Variants in ODC1 observed in about 807,000 individuals in gnomAD.
The protein encoded by ODC1 is ornithine decarboxylase 1, also known as ornithine decarboxylase.
In ODC1, 18 loss-of-function variants were observed where a neutral mutation model predicts 41.5. That is an observed-to-expected ratio of 0.43 (90% confidence interval 0.30 to 0.64). The LOEUF (loss-of-function observed/expected upper bound fraction) is 0.64. ODC1 is among the 30% of genes least tolerant of loss of function. The pLI, the probability that ODC1 is intolerant of heterozygous loss-of-function variation, is 0.11. For synonymous variants in ODC1, 218 were observed against 211.6 expected, an observed-to-expected ratio of 1.03 and a Z score of -0.26; for missense variants, 504 against 589.0, an observed-to-expected ratio of 0.86 and a Z score of 1.49.
rs375812175 is a variant in ODC1, at chr2:10,443,727, G to A, written c.559C>T (p.Leu187=). 2 of 1,614,166 alleles carry A rather than the reference G, an allele frequency of 1.2e-6. No homozygotes were observed. Among genetic ancestry groups the A allele is most frequent in the East Asian group, 2.2e-5 (1 of 44,878 alleles). The change falls in exon 6 of 12, where the codon CTA becomes TTA. Residue 187 remains leucine, a synonymous_variant. Transcript: ENST00000234111. The part of the protein sequence containing the change: ...SRLLLERAKE[L]NIDVVGVSFH... ...CTGACACCAACAACATCGATATTTA[G>A]CTCTTTCGCCCGTTCCAAAAGGAGC...
chr2:10,445,481 C>T (rs551110013), intron 1 of ODC1, among the ~76,000 whole-genome samples: 5 of 152,272 alleles, frequency 3.3e-5, no homozygotes, highest in South Asian at 2.1e-4. Flanking sequence ...CAAGGCAGCA[C>T]ACTAAGCATT....
Position 10,440,856 on chromosome 2 carries a change from C to T in ODC1, c.1254G>A (p.Gln418=), listed in dbSNP as rs1156467115. 3 of 1,614,050 alleles carry T rather than the reference C, an allele frequency of 1.9e-6. No homozygotes were observed. The highest frequency in any genetic ancestry group is 2.5e-6 in the Non-Finnish European group (3 of 1,180,000). The change falls in exon 12 of 12, where the codon CAG becomes CAA. Residue 418 remains glutamine (Q), a synonymous_variant. Transcript: ENST00000234111. ...VMSGPAWQLM[Q]QFQNPDFPPE... ...GTGGGAAGTCGGGGTTCTGGAATTG[C>T]TGCATGAGTTGCCTGAGAAAGAAAA...
intron 1 of ODC1, chr2:10,447,376 T>A (rs1384728510): frequency 1.3e-5 from 2 of 152,204 alleles, no homozygotes; most frequent in Non-Finnish European, 2.9e-5. Flanking sequence ...GCCAACACAT[T>A]CTTTGTCCTC....
At position 10,443,772 on chromosome 2, in the gene ODC1, C is replaced by A. The variant is rs750141788; in HGVS notation, c.514G>T (p.Ala172Ser). Reference protein sequence around the residue: ...AVCRLSVKFGATLRTSRLLLE... With the variant: ...AVCRLSVKFGSTLRTSRLLLE... ...AGGAGCCTGCTGGTTCTGAGCGTGG[C>A]ACCGAATTTCACACTGAGACGACAG... Residue 172 changes from alanine (A) to serine (S), a missense_variant, in exon 6 of 12, where the codon GCC becomes TCC. Ala to Ser is a moderately conservative substitution (Grantham distance 99). Around this residue, in one of 3 missense-constraint regions of ODC1, gnomAD observed 447 missense variants for 524.4 expected, o/e 0.85. Transcript: ENST00000234111. 3 of 1,614,222 alleles carry A rather than the reference C, an allele frequency of 1.9e-6. No individual in the cohort carries two copies. The highest frequency in any genetic ancestry group is 2.5e-6 in the Non-Finnish European group (3 of 1,180,040).
intron 1 of ODC1, chr2:10,447,733 AG>A (rs1672074753): frequency 6.6e-6 from 1 of 152,028 alleles, no homozygotes; most frequent in African/African-American, 2.4e-5. Context: ...GTCTGTACCA[AG>A]GCGAGCCCGG....
intron 11 of ODC1, among the ~76,000 whole-genome samples, chr2:10,441,149 C>CA (rs1443860373): frequency 6.6e-6 from 1 of 152,116 alleles, no homozygotes; most frequent in Non-Finnish European, 1.5e-5. Context: ...GACAGGGTCT[C>CA]ACTATGTTGC....
At position 10,443,621 on chromosome 2, in the gene ODC1, TA is replaced by T. The variant is rs769697899; in HGVS notation, c.585-51del. Reference sequence around the variant, plus strand: ...CACTGTGTCTTAGTATTTCTTAAAATAATAGCAAACACTAGGAGAAAGCCTG... The same window carrying T: ...CACTGTGTCTTAGTATTTCTTAAAATATAGCAAACACTAGGAGAAAGCCTG... On this transcript the variant is annotated intron_variant, in intron 6 of 11. Coordinates refer to ENST00000234111, the MANE Select transcript of ODC1 (RefSeq NM_002539.3). 28 of 1,606,226 alleles carry T rather than the reference TA, an allele frequency of 1.7e-5. No homozygotes were observed. The African/African-American group carries it at 3.3e-4, about 19-fold the overall frequency.
In ODC1 at chr2:10,440,567, G is replaced by GATA; in HGVS notation, c.*154_*156dup. ...TTCAAATAGTTTCCATAGGAACACA[G>GATA]ATAAGTGTGACCCATATCCTAGTCT... On this transcript the variant is annotated 3_prime_UTR_variant, in exon 12 of 12. Coordinates refer to ENST00000234111, the MANE Select transcript of ODC1 (RefSeq NM_002539.3). 1 of 633,866 alleles carries GATA rather than the reference G, an allele frequency of 1.6e-6. No homozygotes were observed. The highest frequency in any genetic ancestry group is 2.1e-5 in the South Asian group (1 of 46,646). The allele number at this position is 633,866 out of a possible 1,614,324, so 39.3% of individuals were successfully genotyped here. A position where few individuals can be genotyped will look rare whatever the true frequency, so the allele number is the denominator to read the frequency against.
Position 10,440,983 on chromosome 2 carries a change from G to A in ODC1, c.1242-115C>T, listed in dbSNP as rs1428974175. The A allele has an allele frequency of 4.3e-6, 5 of 1,163,564 alleles. No homozygotes were observed. The African/African-American group carries it at 4.7e-5, about 11-fold the overall frequency. The allele number at this position is 1,163,564 out of a possible 1,614,324, so 72.1% of individuals were successfully genotyped here. A position where few individuals can be genotyped will look rare whatever the true frequency, so the allele number is the denominator to read the frequency against. The stretch of plus-strand genomic sequence containing the variant: ...GTATTTTTTTTTTTTCTGAGACAGG[G>A]TCTTTCTCTGTTACTCAGGCTGGAA... On this transcript the variant is annotated intron_variant, in intron 11 of 11. Transcript: ENST00000234111.
At chr2:10,444,289 A>G (rs906180098) in intron 4 of ODC1, 22 bp from the exon 5 acceptor site, 8 of 1,561,314 alleles carry the variant, frequency 5.1e-6, no homozygotes, top group Non-Finnish European at 6.9e-6. Context: ...GAGTGGTGTC[A>G]TGCTATCCAT....
In ODC1 at chr2:10,441,727, T is replaced by A. The variant is rs1357321552; in HGVS notation, c.1027-4A>T. On this transcript the variant is annotated splice_region_variant and splice_polypyrimidine_tract_variant and intron_variant, in intron 10 of 11. Transcript: ENST00000234111. ...ACTTCTCATCTGGTTTAGGTCTCTA[T>A]ATAAAGAGACGGAGAGAGGAAGTAC... 1 of 1,613,930 alleles carries A rather than the reference T, an allele frequency of 6.2e-7. No homozygotes were observed. The highest frequency in any genetic ancestry group is 1.3e-5 in the African/African-American group (1 of 74,930).
intron 8 of ODC1, among the ~76,000 whole-genome samples, 153 bp downstream of exon 8, chr2:10,443,077 G>C (rs1671884548): frequency 6.6e-6 from 1 of 152,138 alleles, no homozygotes; most frequent in Admixed American, 6.5e-5. Flanking sequence ...GGTATCAAGT[G>C]TAATGTCAGA....
At position 10,441,753 on chromosome 2, in the gene ODC1, T is replaced by C. The variant is rs28362410; in HGVS notation, c.1027-30A>G. ...ATAAAGAGACGGAGAGAGGAAGTAC[T>C]ACTTAATTACACGTGTTGTGACCAG... On this transcript the variant is annotated intron_variant, in intron 10 of 11. Coordinates refer to ENST00000234111, the MANE Select transcript of ODC1 (RefSeq NM_002539.3). The C allele has an allele frequency of 1.0e-4, 164 of 1,611,960 alleles. No homozygotes were observed. In the African/African-American group the frequency reaches 1.7e-3, roughly 17 times the overall value.
rs1671807147 is a variant in ODC1 at position 10,441,192 on chromosome 2, T to C, written c.1241+317A>G. 3.3e-5 allele frequency among the ~76,000 whole-genome samples: 5 copies of C among 152,244 alleles called. 1 individual carries two copies. In the South Asian group the frequency reaches 1.0e-3, roughly 32 times the overall value. On this transcript the variant is annotated intron_variant, in intron 11 of 11. Transcript: ENST00000234111. ...CGAACTCCTGGGCTCAAGTGATCCT[T>C]CTGCCTTGGCCTCCCAATGTGTTGT...
At position 10,440,701 on chromosome 2, in the gene ODC1, G is replaced by GT. The variant is rs1459742236; in HGVS notation, c.*22dup. The GT allele has an allele frequency of 6.2e-7, 1 of 1,604,628 alleles. No individual in the cohort carries two copies. Among genetic ancestry groups the GT allele is most frequent in the Non-Finnish European group, 8.5e-7 (1 of 1,174,522 alleles). On this transcript the variant is annotated 3_prime_UTR_variant, in exon 12 of 12. Coordinates refer to ENST00000234111, the MANE Select transcript of ODC1 (RefSeq NM_002539.3). ...TCCCTTAATTCAAGCTAAACTTGCA[G>GT]TTAACAGCTACCAGAGTGCTATCTA...
In ODC1 at chr2:10,443,192, G is replaced by A. The variant is rs764843880; in HGVS notation, c.750+38C>T. 3.4e-6 allele frequency: 5 copies of A among 1,478,858 alleles called. No homozygotes were observed. The Admixed American group carries it at 7.8e-5, about 23-fold the overall frequency. 91.6% of individuals were successfully genotyped at this position (1,478,858 alleles called of 1,614,324 possible). ...AAATATTCCAAAAAGGAATTTATTAGAACGGCTACTGAGTATTACAGTTTT... is the reference window on the plus strand; with the variant it reads ...AAATATTCCAAAAAGGAATTTATTAAAACGGCTACTGAGTATTACAGTTTT... On this transcript the variant is annotated intron_variant, in intron 8 of 11. Transcript: ENST00000234111.
chr2:10,442,479 A>G (rs1013601618), intron 8 of ODC1, among the ~76,000 whole-genome samples: 27 of 152,202 alleles, frequency 1.8e-4, no homozygotes, highest in African/African-American at 6.0e-4. Flanking sequence ...ATGTCAAAAC[A>G]TTTTAACAAA....
chr2:10,444,406 T>C (rs1671943348), intron 4 of ODC1, 68 bp downstream of exon 4: 1 of 1,525,144 alleles, frequency 6.6e-7, no homozygotes, highest in Non-Finnish European at 8.8e-7. Context: ...ACACAACTTG[T>C]ATCTGCCTCG....
chr2:10,441,396 T>A, intron 11 of ODC1, 113 bp downstream of exon 11: 1 of 1,083,654 alleles, frequency 9.2e-7, no homozygotes, highest in Admixed American at 2.7e-5. Flanking sequence ...AGGAAAAATA[T>A]CCATATATAT....
Sources: allele counts gnomAD v4.1 joint callset (sites outside exome capture counted in the v4.1 genomes callset), GRCh38; gene constraint gnomAD v4.1.1; regional missense constraint gnomAD v4.1.1; transcripts MANE v1.5; gene names NCBI Gene and HGNC (gene_info 2026-07-23, HGNC 2026-07-21).